Variants in SPATA7 observed in about 807,000 individuals in gnomAD.
SPATA7 encodes the protein spermatogenesis-associated protein 7.
In SPATA7, 43 loss-of-function variants were observed where a neutral mutation model predicts 51.8. The observed-to-expected ratio is 0.83, with a 90% confidence interval of 0.65 to 1.07. The LOEUF is 1.07. SPATA7 is among the 50% of genes least tolerant of loss of function. SPATA7 has a pLI of 0.00. For synonymous variants in SPATA7, 230 were observed against 252.8 expected (o/e 0.91, Z 0.86); for missense variants, 683 against 701.3 (o/e 0.97, Z 0.30).
intron 4 of SPATA7, chr14:88,467,976 G>A (rs541320818): frequency 1.6e-5 from 15 of 940,668 alleles, no homozygotes; most frequent in Admixed American, 9.0e-5. Flanking sequence ...CCTGTGCTTC[G>A]CACGTTTCCT....
chr14:88,449,936 A>G (rs1453605202), intron 3 of SPATA7, among the ~76,000 whole-genome samples: 3 of 151,934 alleles, frequency 2.0e-5, no homozygotes, highest in Admixed American at 2.0e-4. Flanking sequence ...AAGATATTCC[A>G]TTGGTAACAA....
intron 4 of SPATA7, among the ~76,000 whole-genome samples, chr14:88,407,600 T>C (rs895121201): frequency 3.9e-5 from 6 of 152,222 alleles, no homozygotes; most frequent in Non-Finnish European, 7.3e-5. Flanking sequence ...GTGCAGAAGC[T>C]CTTTAGTTTA....
intron 5 of SPATA7, among the ~76,000 whole-genome samples, chr14:88,418,527 T>C (rs561414502): frequency 1.3e-5 from 2 of 152,356 alleles, no homozygotes; most frequent in African/African-American, 4.8e-5. Flanking sequence ...CAGGCTGGCA[T>C]GCAGTAGTGT....
chr14:88,444,593 T>C (rs1222696345), intron 3 of SPATA7, among the ~76,000 whole-genome samples: 1 of 152,100 alleles, frequency 6.6e-6, no homozygotes, highest in Non-Finnish European at 1.5e-5. Context: ...GCCTAGGTTT[T>C]CTTCTAGGGT....
At chr14:88,420,779 A>G (rs1317315857) in intron 5 of SPATA7, among the ~76,000 whole-genome samples, 1 of 152,112 alleles carries the variant, frequency 6.6e-6, no homozygotes, top group Admixed American at 6.6e-5. Context: ...TATATATCTA[A>G]AAGATAGACT....
intron 4 of SPATA7, among the ~76,000 whole-genome samples, chr14:88,404,724 A>C (rs930546930): frequency 3.3e-5 from 5 of 152,226 alleles, no homozygotes; most frequent in African/African-American, 1.2e-4. Flanking sequence ...TCTCAAAAAA[A>C]ATAAAGTCAA....
downstream of SPATA7, among the ~76,000 whole-genome samples, chr14:88,456,502 T>G (rs372661192): frequency 6.1e-3 from 885 of 145,142 alleles, no homozygotes; most frequent in African/African-American, 0.024. Flanking sequence ...TCATGTGTCT[T>G]TTGGCTGCAT....
intron 4 of SPATA7, among the ~76,000 whole-genome samples, chr14:88,400,649 A>G (rs571822065): frequency 2.0e-5 from 3 of 152,238 alleles, no homozygotes; most frequent in East Asian, 3.9e-4. Flanking sequence ...TCTGGCCAAC[A>G]TGGTGAAACC....
At chr14:88,417,394 C>T (rs1051000781) in intron 5 of SPATA7, among the ~76,000 whole-genome samples, 1 of 151,082 alleles carries the variant, frequency 6.6e-6, no homozygotes, top group Non-Finnish European at 1.5e-5. Flanking sequence ...ACAACCTCCA[C>T]TTCCTGGGTT....
In SPATA7 at chr14:88,433,200, T is replaced by C; in HGVS notation, c.1148T>C (p.Leu383Ser). Residue 383 changes from leucine to serine, a missense_variant, in exon 10 of 12, where the codon TTA becomes TCA. Physicochemically the swap from Leu to Ser is moderately radical, Grantham distance 145 (BLOSUM62 -2). Coordinates refer to ENST00000393545, the MANE Select transcript of SPATA7 (RefSeq NM_018418.5). Reference sequence around the variant, plus strand: ...ACAGATGAAATTTTGAAACTTGGTTTATTTTCAAACAGGTTAGTTTTTTTA... The same window carrying C: ...ACAGATGAAATTTTGAAACTTGGTTCATTTTCAAACAGGTTAGTTTTTTTA... ...DVTDEILKLG[L>S]FSNRFLERLF... 1 of 1,608,564 alleles carries C rather than the reference T, an allele frequency of 6.2e-7. No homozygotes were observed. The highest frequency in any genetic ancestry group is 8.5e-7 in the Non-Finnish European group (1 of 1,177,020).
intron 5 of SPATA7, among the ~76,000 whole-genome samples, chr14:88,417,213 C>T (rs1407778909): frequency 6.6e-6 from 1 of 150,688 alleles, no homozygotes; most frequent in Non-Finnish European, 1.5e-5. Context: ...TTTTCCCTTT[C>T]TCCTGAATGG....
intron 1 of SPATA7, 175 bp downstream of exon 1, chr14:88,386,012 C>A: frequency 6.8e-7 from 1 of 1,465,204 alleles, no homozygotes. Context: ...AGAGGGAGAG[C>A]CTGCTTGCCA....
chr14:88,436,980 A>G (rs1225581485), intron 10 of SPATA7, among the ~76,000 whole-genome samples: 1 of 150,490 alleles, frequency 6.6e-6, no homozygotes, highest in African/African-American at 2.4e-5. Context: ...TGGTATTTTG[A>G]TAGGGATTGC....
intron 4 of SPATA7, chr14:88,468,891 G>T (rs1473442565): frequency 1.2e-6 from 2 of 1,613,432 alleles, no homozygotes; most frequent in African/African-American, 2.7e-5. Flanking sequence ...ACCCAAAAAG[G>T]CCAGGTGATC....
chr14:88,437,715 T>C, intron 11 of SPATA7, 118 bp downstream of exon 11: 1 of 1,345,480 alleles, frequency 7.4e-7, no homozygotes, highest in Non-Finnish European at 1.0e-6. Context: ...CCTTGAACTT[T>C]TTTGAGGGTG....
chr14:88,431,063 AAACATCT>A, intron 8 of SPATA7, 102 bp from the exon 9 acceptor site: 1 of 1,025,406 alleles, frequency 9.8e-7, no homozygotes. Context: ...TTCTGGTTCC[AAACATCT>A]AAGATAAGGG....
chr14:88,455,287 A>G (rs1195422927), downstream of SPATA7: 2 of 310,898 alleles, frequency 6.4e-6, no homozygotes, highest in South Asian at 2.9e-5. Context: ...TCTTAAAGTG[A>G]TTGATTACTG....
intron 4 of SPATA7, chr14:88,466,879 C>T (rs1305199132): frequency 6.6e-6 from 1 of 152,180 alleles, no homozygotes; most frequent in African/African-American, 2.4e-5. Flanking sequence ...TAACTATTCC[C>T]TTCCTTCAAC....
chr14:88,433,126 C>CT lies in SPATA7; in HGVS notation c.1083-5dup, dbSNP rs1393425150. ...AATTTTTATGCTATATATTGCCTTCCTTTTACAGTGAAGAAGAACTGTTGT... is the reference window on the plus strand; with the variant it reads ...AATTTTTATGCTATATATTGCCTTCCTTTTTACAGTGAAGAAGAACTGTTGT... On this transcript the variant is annotated splice_polypyrimidine_tract_variant and intron_variant, in intron 9 of 11. Coordinates refer to ENST00000393545, the MANE Select transcript of SPATA7 (RefSeq NM_018418.5). 6.2e-7 allele frequency: 1 copy of CT among 1,607,088 alleles called. No individual in the cohort carries two copies. The highest frequency in any genetic ancestry group is 1.3e-5 in the African/African-American group (1 of 74,738).
Sources: gnomAD v4.1 joint callset for allele counts (sites outside exome capture counted in the v4.1 genomes callset) on GRCh38, gnomAD v4.1.1 for gene constraint, MANE v1.5 for transcripts, NCBI Gene and HGNC (gene_info 2026-07-23, HGNC 2026-07-21) for gene names.